NRP2: variants seen among roughly 807,000 people sequenced by gnomAD.
The protein encoded by NRP2 is neuropilin-2.
In NRP2, 52 loss-of-function variants were observed where a neutral mutation model predicts 110.4. The ratio of observed to expected loss-of-function variants is 0.47; its 90% CI spans 0.38 to 0.59. The LOEUF is 0.59. NRP2 is among the 20% of genes least tolerant of loss of function. The probability of loss-of-function intolerance (pLI) is 0.00; values close to 1 mark genes in which losing one functional copy is unlikely to be tolerated. For missense variants in NRP2, 1,049 were observed against 1,203.0 expected (o/e 0.87, Z 1.89); for synonymous variants, 508 against 468.9 (o/e 1.08, Z -1.08).
At chr2:205,690,042 G>A (rs944301649) in intron 1 of NRP2, among the ~76,000 whole-genome samples, 1 of 152,212 alleles carries the variant, frequency 6.6e-6, no homozygotes, top group African/African-American at 2.4e-5. Context: ...CCGGCCAGCT[G>A]AGTGCACGTG....
chr2:205,759,725 G>A (rs928017629), intron 12 of NRP2: 1 of 152,114 alleles, frequency 6.6e-6, no homozygotes, highest in Non-Finnish European at 1.5e-5. Flanking sequence ...GGCCTTCCTG[G>A]GTTATTGGTG....
intron 12 of NRP2, among the ~76,000 whole-genome samples, chr2:205,759,130 G>T (rs904478575): frequency 2.6e-5 from 4 of 152,164 alleles, no homozygotes; most frequent in Admixed American, 2.6e-4. Context: ...TGGAAGAAGG[G>T]TCAGTGGAAA....
intron 16 of NRP2, 55 bp from the exon 17 acceptor site, chr2:205,794,699 C>T (rs2105979479): frequency 6.3e-7 from 1 of 1,591,054 alleles, no homozygotes; most frequent in Non-Finnish European, 8.6e-7. Context: ...GGCTCAGTCA[C>T]TTCACCCTGA....
In NRP2 at chr2:205,716,331, G is replaced by T. The variant is rs532731194; in HGVS notation, c.390G>T (p.Arg130=). 1.2e-6 allele frequency: 2 copies of T among 1,614,008 alleles called. No homozygotes were observed. The highest frequency in any genetic ancestry group is 1.7e-6 in the Non-Finnish European group (2 of 1,180,022). ...LYIKFTSDYA[R]QGAGFSLRYE... is the part of the protein sequence containing the mutation. ...TCAAGTTCACCTCCGACTACGCCCGGCAGGGGGCAGGCTTCTCTCTGCGCT... is the reference window on the plus strand; with the variant it reads ...TCAAGTTCACCTCCGACTACGCCCGTCAGGGGGCAGGCTTCTCTCTGCGCT... The change falls in exon 3 of 17, where the codon CGG becomes CGT. Residue 130 remains arginine, a synonymous_variant. Transcript: ENST00000357785.
At chr2:205,756,817 C>A (rs772122492) in intron 12 of NRP2, 1 of 152,146 alleles carries the variant, frequency 6.6e-6, no homozygotes, top group Non-Finnish European at 1.5e-5. Context: ...TTATAGCTGT[C>A]TCATTCTCCC....
chr2:205,699,311 C>T (rs904777840), intron 2 of NRP2, among the ~76,000 whole-genome samples: 1 of 152,180 alleles, frequency 6.6e-6, no homozygotes, highest in Non-Finnish European at 1.5e-5. Context: ...GGCTCTGATT[C>T]CTCTGGCTGG....
At chr2:205,759,528 AC>A (rs1386220528) in intron 12 of NRP2, 2 of 152,106 alleles carry the variant, frequency 1.3e-5, no homozygotes, top group Admixed American at 1.3e-4. Flanking sequence ...TTGAGGTCCC[AC>A]TCTTGTTCCA....
intron 15 of NRP2, among the ~76,000 whole-genome samples, chr2:205,770,573 G>T (rs568020687): frequency 1.2e-4 from 18 of 152,106 alleles, no homozygotes; most frequent in Non-Finnish European, 2.5e-4. Flanking sequence ...CCATCCCAGG[G>T]CCTGGCCTCA....
intron 2 of NRP2, among the ~76,000 whole-genome samples, chr2:205,708,693 A>G (rs1027512548): frequency 2.0e-5 from 3 of 152,208 alleles, no homozygotes; most frequent in African/African-American, 7.2e-5. Context: ...GTTTTTTGGA[A>G]TAATTCCTTC....
intron 2 of NRP2, among the ~76,000 whole-genome samples, chr2:205,710,260 G>A (rs1256107178): frequency 6.6e-6 from 1 of 152,152 alleles, no homozygotes; most frequent in Non-Finnish European, 1.5e-5. Flanking sequence ...CTGTGCCCTG[G>A]AGTTTGACTA....
intron 12 of NRP2, among the ~76,000 whole-genome samples, chr2:205,756,105 C>A (rs540267340): frequency 2.4e-4 from 36 of 152,078 alleles, no homozygotes; most frequent in Admixed American, 2.2e-3. Context: ...CCACTGGTTT[C>A]ATTCCACTGT....
Position 205,695,717 on chromosome 2 carries a change from T to C in NRP2, c.74-1827T>C, listed in dbSNP as rs146148824. On this transcript the variant is annotated intron_variant, in intron 1 of 16. Transcript: ENST00000357785. Reference sequence around the variant, plus strand: ...CTTCTGCTAGTTGAGTAAGAGCAGCTGGTGATCTATGTCCTCACACCTCTG... The same window carrying C: ...CTTCTGCTAGTTGAGTAAGAGCAGCCGGTGATCTATGTCCTCACACCTCTG... Among the ~76,000 whole-genome samples the C allele has an allele frequency of 7.2e-3, 1,091 of 152,284 alleles. 16 individuals are homozygous for C. Among genetic ancestry groups the C allele is most frequent in the African/African-American group, 0.025 (1,027 of 41,556 alleles).
intron 10 of NRP2, among the ~76,000 whole-genome samples, chr2:205,749,419 C>T (rs1324381987): frequency 2.0e-5 from 3 of 152,132 alleles, no homozygotes; most frequent in Non-Finnish European, 4.4e-5. Context: ...GAGTCAGCGT[C>T]GCCTGTAGCC....
intron 10 of NRP2, among the ~76,000 whole-genome samples, chr2:205,747,295 C>T (rs2057555387): frequency 6.6e-6 from 1 of 152,192 alleles, no homozygotes; most frequent in South Asian, 2.1e-4. Context: ...TCAAGTCCTG[C>T]CCCTGCCATT....
At chr2:205,689,816 G>A (rs1047882173) in intron 1 of NRP2, among the ~76,000 whole-genome samples, 3 of 152,112 alleles carry the variant, frequency 2.0e-5, no homozygotes, top group East Asian at 1.9e-4. Flanking sequence ...GCGCTCTCCC[G>A]AATGTGTAAT....
In NRP2 at chr2:205,686,516, C is replaced by T. The variant is rs1177657053; in HGVS notation, c.73+3153C>T. On this transcript the variant is annotated intron_variant, in intron 1 of 16. Coordinates refer to ENST00000357785, the MANE Select transcript of NRP2 (RefSeq NM_003872.3). The surrounding 1 kb of genome is among the most constrained non-coding windows in gnomAD (Gnocchi z 4.7). ...GCTCTGATTGAAGGGCTGCCCCCGC[C>T]CTTCGACTCGGGCTGGCTGTGCCGG... Among the ~76,000 whole-genome samples, 3 of 152,240 alleles carry T rather than the reference C, an allele frequency of 2.0e-5. No individual in the cohort carries two copies. Among genetic ancestry groups the T allele is most frequent in the African/African-American group, 7.2e-5 (3 of 41,464 alleles).
chr2:205,690,934 T>C (rs926461625), intron 1 of NRP2, among the ~76,000 whole-genome samples: 13 of 152,154 alleles, frequency 8.5e-5, no homozygotes, highest in Admixed American at 5.9e-4. Flanking sequence ...ATTCAAACTC[T>C]CAATTCACCA....
chr2:205,685,381 G>A (rs1232760663), intron 1 of NRP2, among the ~76,000 whole-genome samples: 2 of 149,256 alleles, frequency 1.3e-5, no homozygotes, highest in East Asian at 4.1e-4. Flanking sequence ...CACCCTGGGA[G>A]CCGGCAGCGG....
At chr2:205,689,460 G>C (rs2056256489) in intron 1 of NRP2, among the ~76,000 whole-genome samples, 1 of 152,222 alleles carries the variant, frequency 6.6e-6, no homozygotes, top group African/African-American at 2.4e-5. Flanking sequence ...AACTGTTTCA[G>C]TGGGGTTAGT....
Sources: allele counts gnomAD v4.1 joint callset (sites outside exome capture counted in the v4.1 genomes callset), GRCh38; gene constraint gnomAD v4.1.1; non-coding constraint Gnocchi (gnomAD v3.1); transcripts MANE v1.5; gene names NCBI Gene and HGNC (gene_info 2026-07-23, HGNC 2026-07-21).